ZNF184: variants seen among roughly 807,000 people sequenced by gnomAD.
ZNF184 encodes zinc finger protein 184 (Kruppel-like).
In ZNF184, 16 loss-of-function variants were observed where a neutral mutation model predicts 54.4. The observed-to-expected ratio is 0.29, with a 90% CI of 0.20 to 0.45. The LOEUF is 0.45. Among genes scored for constraint, ZNF184 ranks in the 20% least tolerant of loss-of-function variants. The pLI is 1.00. For synonymous variants in ZNF184, 254 were observed against 295.3 expected (o/e 0.86, Z 1.43); for missense variants, 681 against 888.2 (o/e 0.77, Z 2.97).
chr6:27,410,965 G>T, the ZNF184 span, among the ~76,000 whole-genome samples: 1 of 152,312 alleles, frequency 6.6e-6, no homozygotes, highest in Admixed American at 6.5e-5. Context: ...TTAAAACAGC[G>T]GTATTGGGAA....
Position 27,453,109 on chromosome 6 carries a change from T to C in ZNF184, c.450A>G (p.Leu150=). ...TCTGTTGGTTTGCCTGCTGTCTCTC[T>C]AAACTGCCTTCATATTCCCAACTTT... ...LLESWEYEGS[L]ERQQANQQTL... is the part of the protein sequence containing the mutation. The change falls in exon 6 of 6, where the codon TTA becomes TTG. Residue 150 remains leucine (L), a synonymous_variant. Transcript: ENST00000683788. This position sits in a 1 kb window ranked among gnomAD's most constrained non-coding sequence, Gnocchi z 4.7. 3 of 1,614,144 alleles carry C rather than the reference T, an allele frequency of 1.9e-6. No individual in the cohort carries two copies. The highest frequency in any genetic ancestry group is 2.5e-6 in the Non-Finnish European group (3 of 1,180,000).
At chr6:27,428,920 T>G in the ZNF184 span, among the ~76,000 whole-genome samples, 1 of 152,190 alleles carries the variant, frequency 6.6e-6, no homozygotes, top group South Asian at 2.1e-4. The surrounding 1 kb of genome is among the most constrained non-coding windows in gnomAD (Gnocchi z 4.1). Flanking sequence ...AAAATCTGGC[T>G]AAGTGTTGGT....
At chr6:27,409,811 TATA>T in the ZNF184 span, among the ~76,000 whole-genome samples, 1 of 152,194 alleles carries the variant, frequency 6.6e-6, no homozygotes, top group East Asian at 1.9e-4. Flanking sequence ...TGAGATGAAC[TATA>T]ATATCCTAGG....
chr6:27,466,663 G>A (rs6921071), intron 3 of ZNF184, among the ~76,000 whole-genome samples: 98,719 of 151,408 alleles, frequency 0.65, 32,448 homozygotes, highest in Middle Eastern at 0.76. Flanking sequence ...TACTGTCACA[G>A]TATACCCCCC....
At chr6:27,422,660 GA>G in the ZNF184 span, among the ~76,000 whole-genome samples, 6,401 of 152,218 alleles carry the variant, frequency 0.042, 176 homozygotes, top group Non-Finnish European at 0.058. Flanking sequence ...TCTCAAGCTG[GA>G]AAAGCTCTAG....
At chr6:27,439,618 C>T in the ZNF184 span, among the ~76,000 whole-genome samples, 3 of 152,160 alleles carry the variant, frequency 2.0e-5, no homozygotes, top group Non-Finnish European at 2.9e-5. Flanking sequence ...CTTATCATCT[C>T]GCATCATCAC....
the ZNF184 span, among the ~76,000 whole-genome samples, chr6:27,445,726 A>AAAAAAAAAAT: frequency 6.6e-6 from 1 of 151,754 alleles, no homozygotes; most frequent in African/African-American, 2.4e-5. Context: ...TATAGCAAAA[A>AAAAAAAAAAT]AAAAAAGACT....
the ZNF184 span, among the ~76,000 whole-genome samples, chr6:27,438,543 G>T: frequency 6.6e-6 from 1 of 152,118 alleles, no homozygotes; most frequent in Non-Finnish European, 1.5e-5. Context: ...CACAAATGAG[G>T]CAGTACAGAT....
intron 3 of ZNF184, 93 bp from the exon 4 acceptor site, chr6:27,457,502 G>C: frequency 7.4e-7 from 1 of 1,351,080 alleles, no homozygotes; most frequent in Non-Finnish European, 1.0e-6. Context: ...GCAGTCTATA[G>C]GATGTCTGCA....
Position 27,459,066 on chromosome 6 carries a change from C to A in ZNF184, c.76-1657G>T, listed in dbSNP as rs373932102. Reference sequence around the variant, plus strand: ...CTCATAGAGAGTAGAATTGTGCTTACTAGAGGCTGGGAAGGGTAGAGGAGG... The same window carrying A: ...CTCATAGAGAGTAGAATTGTGCTTAATAGAGGCTGGGAAGGGTAGAGGAGG... On this transcript the variant is annotated intron_variant, in intron 3 of 5. Transcript: ENST00000683788. Among the ~76,000 whole-genome samples, 8 of 152,116 alleles carry A rather than the reference C, an allele frequency of 5.3e-5. No individual in the cohort carries two copies. In the East Asian group the frequency reaches 7.7e-4, roughly 15 times the overall value.
At chr6:27,439,163 A>G in the ZNF184 span, among the ~76,000 whole-genome samples, 2 of 152,168 alleles carry the variant, frequency 1.3e-5, no homozygotes, top group East Asian at 3.8e-4. Context: ...AGTACTTTAA[A>G]TTTTGAGAAG....
Position 27,452,430 on chromosome 6 carries a change from G to T in ZNF184, c.1129C>A (p.Leu377Ile). Residue 377 changes from leucine (L) to isoleucine (I), a missense_variant, in exon 6 of 6, where the codon CTT (leucine) becomes ATT (isoleucine). Coordinates refer to ENST00000683788, the MANE Select transcript of ZNF184 (RefSeq NM_001318891.2). This position sits in a 1 kb window ranked among gnomAD's most constrained non-coding sequence, Gnocchi z 5.5. ...CDKTFTRSTH[L>I]TQHQKIHTGE... Reference sequence around the variant, plus strand: ...GTATGAATTTTTTGATGTTGAGTAAGGTGTGTGCTCCTGGTGAAGGTTTTA... The same window carrying T: ...GTATGAATTTTTTGATGTTGAGTAATGTGTGTGCTCCTGGTGAAGGTTTTA... The T allele has an allele frequency of 6.2e-7, 1 of 1,614,056 alleles. No homozygotes were observed. Among genetic ancestry groups the T allele is most frequent in the Non-Finnish European group, 8.5e-7 (1 of 1,179,996 alleles).
At chr6:27,457,570 T>C (rs41269265) in intron 3 of ZNF184, among the ~76,000 whole-genome samples, 161 bp from the exon 4 acceptor site, 13,124 of 152,280 alleles carry the variant, frequency 0.086, 712 homozygotes, top group African/African-American at 0.14. Context: ...GCCTCATCCA[T>C]TGGGTTATTG....
intron 3 of ZNF184, among the ~76,000 whole-genome samples, chr6:27,466,379 T>C (rs1763138635): frequency 6.6e-6 from 1 of 152,206 alleles, no homozygotes; most frequent in African/African-American, 2.4e-5. Context: ...TTATGGCAAT[T>C]AATTATAGCA....
At position 27,451,164 on chromosome 6, in the gene ZNF184, A is replaced by C. The variant is rs76975469; in HGVS notation, c.*139T>G. 243 of 1,030,036 alleles carry C rather than the reference A, an allele frequency of 2.4e-4. No individual in the cohort carries two copies. In the African/African-American group the frequency reaches 2.5e-3, roughly 11 times the overall value. 63.8% of individuals were successfully genotyped at this position (1,030,036 alleles called of 1,614,324 possible). A position where few individuals can be genotyped will look rare whatever the true frequency, so the allele number is the denominator to read the frequency against. On this transcript the variant is annotated 3_prime_UTR_variant, in exon 6 of 6. Coordinates refer to ENST00000683788, the MANE Select transcript of ZNF184 (RefSeq NM_001318891.2). Reference sequence around the variant, plus strand: ...CAATTGGATTAGTTCAGCCCAATGTACTTTCCATTCCATAACATGATAGTG... The same window carrying C: ...CAATTGGATTAGTTCAGCCCAATGTCCTTTCCATTCCATAACATGATAGTG...
the ZNF184 span, among the ~76,000 whole-genome samples, chr6:27,411,953 C>T: frequency 2.6e-5 from 4 of 151,768 alleles, no homozygotes; most frequent in Non-Finnish European, 5.9e-5. Flanking sequence ...GCTAATACTG[C>T]GGGGTGGATG....
chr6:27,455,010 G>A (rs1235478444), intron 5 of ZNF184, among the ~76,000 whole-genome samples: 2 of 152,116 alleles, frequency 1.3e-5, no homozygotes, highest in African/African-American at 4.8e-5. Context: ...CAATAAAGAG[G>A]ATGAGGGAAA....
the ZNF184 span, among the ~76,000 whole-genome samples, chr6:27,439,940 T>C: frequency 6.6e-6 from 1 of 152,186 alleles, no homozygotes; most frequent in Non-Finnish European, 1.5e-5. Context: ...ACTTTTTGCA[T>C]TATTTATTAG....
chr6:27,436,320 C>T, the ZNF184 span, among the ~76,000 whole-genome samples: 1 of 152,078 alleles, frequency 6.6e-6, no homozygotes, highest in Non-Finnish European at 1.5e-5. Context: ...CACGCCACCA[C>T]CCCCACCTAA....
Sources: allele counts gnomAD v4.1 joint callset (sites outside exome capture counted in the v4.1 genomes callset), GRCh38; gene constraint gnomAD v4.1.1; non-coding constraint Gnocchi (gnomAD v3.1); transcripts MANE v1.5; gene names NCBI Gene and HGNC (gene_info 2026-07-23, HGNC 2026-07-21).